Variants in PCBP3 observed in about 807,000 individuals in gnomAD.
PCBP3 encodes poly(rC)-binding protein 3.
PCBP3 carries 25 observed loss-of-function variants against 52.7 expected under a neutral mutation model. That is an observed-to-expected ratio of 0.47 (90% CI 0.35 to 0.66). The LOEUF (loss-of-function observed/expected upper bound fraction) is 0.66. PCBP3 is among the 30% of genes least tolerant of loss of function. PCBP3 has a pLI of 0.01. For synonymous variants in PCBP3, 162 were observed against 183.0 expected, an observed-to-expected ratio of 0.89 and a Z score of 0.93; for missense variants, 391 against 490.3, an observed-to-expected ratio of 0.80 and a Z score of 1.91.
intron 1 of PCBP3, among the ~76,000 whole-genome samples, chr21:45,668,560 C>T (rs1283501309): frequency 7.0e-6 from 1 of 143,316 alleles, no homozygotes; most frequent in Non-Finnish European, 1.5e-5. Flanking sequence ...TACTATAGAG[C>T]TGGGGTAGGG....
intron 4 of PCBP3, among the ~76,000 whole-genome samples, chr21:45,793,009 A>G (rs1178313685): frequency 6.6e-6 from 1 of 152,346 alleles, no homozygotes; most frequent in East Asian, 1.9e-4. Context: ...CAAAGTAGAC[A>G]GGAACAGTAT....
chr21:45,710,102 T>C (rs2083729490), intron 2 of PCBP3, among the ~76,000 whole-genome samples: 1 of 152,238 alleles, frequency 6.6e-6, no homozygotes. Flanking sequence ...ATCACCTGGC[T>C]GAGGTGTGTT....
intron 4 of PCBP3, among the ~76,000 whole-genome samples, chr21:45,840,998 G>A (rs1397737696): frequency 6.6e-6 from 1 of 152,166 alleles, no homozygotes; most frequent in Non-Finnish European, 1.5e-5. Context: ...ATAGAACTGT[G>A]TCACAGTTGC....
chr21:45,815,460 T>G (rs1603442094), intron 4 of PCBP3, among the ~76,000 whole-genome samples: 3 of 90,324 alleles, frequency 3.3e-5, no homozygotes, highest in Non-Finnish European at 6.6e-5. Context: ...TGGTGAGTGG[T>G]GAGTGAGTGA....
At chr21:45,792,244 T>G (rs1263061006) in intron 4 of PCBP3, among the ~76,000 whole-genome samples, 1 of 152,268 alleles carries the variant, frequency 6.6e-6, no homozygotes, top group Non-Finnish European at 1.5e-5. Context: ...TCTGTGCAGG[T>G]GGCAGCAACC....
intron 4 of PCBP3, among the ~76,000 whole-genome samples, chr21:45,794,828 C>T (rs1384809331): frequency 6.6e-6 from 1 of 151,748 alleles, no homozygotes; most frequent in Non-Finnish European, 1.5e-5. Flanking sequence ...ACTTGGGAGG[C>T]TGAGGCAGGA....
intron 2 of PCBP3, among the ~76,000 whole-genome samples, chr21:45,680,015 T>G (rs2081736212): frequency 6.6e-6 from 1 of 152,238 alleles, no homozygotes; most frequent in Admixed American, 6.5e-5. Flanking sequence ...TTCTCCAAAA[T>G]CATTTGGGCA....
intron 5 of PCBP3, among the ~76,000 whole-genome samples, chr21:45,862,186 C>CGG (rs975054478): frequency 1.5e-5 from 1 of 67,120 alleles, no homozygotes; most frequent in East Asian, 6.9e-4. Context: ...GGAATTGGGG[C>CGG]GGGTGGGGGG....
At chr21:45,930,898 C>A in intron 15 of PCBP3, 53 bp downstream of exon 15, 2 of 1,607,238 alleles carry the variant, frequency 1.2e-6, no homozygotes, top group Non-Finnish European at 1.7e-6. Context: ...AGAGCAGAGC[C>A]CCAGTGGGAG....
Position 45,899,479 on chromosome 21 carries a change from G to A in PCBP3, c.166-120G>A, listed in dbSNP as rs117077002. The A allele has an allele frequency of 2.4e-3, 1,713 of 717,258 alleles. 18 individuals carry two copies. The East Asian group carries it at 0.032, about 13-fold the overall frequency. 44.4% of individuals were successfully genotyped at this position (717,258 alleles called of 1,614,324 possible). A position where few individuals can be genotyped will look rare whatever the true frequency, so the allele number is the denominator to read the frequency against. On this transcript the variant is annotated intron_variant, in intron 6 of 17. Coordinates refer to ENST00000681687, the MANE Select transcript of PCBP3 (RefSeq NM_001384156.1). ...GAATTCTCCCTTCTTCATGCACACCGGGAAGGTCCCTTCTGCACTCATACC... is the reference window on the plus strand; with the variant it reads ...GAATTCTCCCTTCTTCATGCACACCAGGAAGGTCCCTTCTGCACTCATACC...
chr21:45,763,804 A>C (rs956444080), intron 4 of PCBP3: 3 of 152,440 alleles, frequency 2.0e-5, no homozygotes, highest in African/African-American at 4.8e-5. Context: ...ATTCTCAGGC[A>C]GGCCCCCTTC....
In PCBP3 at chr21:45,902,251, A is replaced by ACGCTG. The variant is rs1569475451; in HGVS notation, c.339+1139_339+1140insGCTGC. Among the ~76,000 whole-genome samples, 506 of 150,594 alleles carry ACGCTG rather than the reference A, an allele frequency of 3.4e-3. 11 individuals carry two copies. Among genetic ancestry groups the ACGCTG allele is most frequent in the African/African-American group, 0.012 (475 of 40,542 alleles). Reference sequence around the variant, plus strand: ...CCTGTGGCCTGGCCTCCAAGGCTGGACACTGCAGACACTGGGGCCAGTGTT... The same window carrying ACGCTG: ...CCTGTGGCCTGGCCTCCAAGGCTGGACGCTGCACTGCAGACACTGGGGCCAGTGTT... On this transcript the variant is annotated intron_variant, in intron 9 of 17. Transcript: ENST00000681687.
At chr21:45,728,115 G>A (rs1199256054) in intron 2 of PCBP3, among the ~76,000 whole-genome samples, 2 of 152,160 alleles carry the variant, frequency 1.3e-5, no homozygotes, top group African/African-American at 4.8e-5. Context: ...CACTTGTGGA[G>A]GTTGGTATCT....
At chr21:45,722,969 G>A (rs546717620) in intron 2 of PCBP3, among the ~76,000 whole-genome samples, 10 of 150,962 alleles carry the variant, frequency 6.6e-5, no homozygotes, top group South Asian at 6.3e-4. Context: ...AGCTGATAGC[G>A]CACCACTGCA....
At chr21:45,747,067 T>C (rs1476769017) in intron 3 of PCBP3, among the ~76,000 whole-genome samples, 1 of 152,172 alleles carries the variant, frequency 6.6e-6, no homozygotes. Flanking sequence ...CTGGGTAATT[T>C]ATAAAGAAAA....
chr21:45,904,109 G>A lies in PCBP3; in HGVS notation c.339+2996G>A, dbSNP rs1019444077. On this transcript the variant is annotated intron_variant, in intron 9 of 17. Coordinates refer to ENST00000681687, the MANE Select transcript of PCBP3 (RefSeq NM_001384156.1). This position sits in a 1 kb window ranked among gnomAD's most constrained non-coding sequence, Gnocchi z 4.8. Reference sequence around the variant, plus strand: ...GATGTTTGGGAAGATGTCATGGGAAGCAGCCGTAACCTACGCTATTACGTA... The same window carrying A: ...GATGTTTGGGAAGATGTCATGGGAAACAGCCGTAACCTACGCTATTACGTA... 4.6e-5 allele frequency among the ~76,000 whole-genome samples: 7 copies of A among 152,324 alleles called. No individual in the cohort carries two copies. Among genetic ancestry groups the A allele is most frequent in the South Asian group, 4.1e-4 (2 of 4,824 alleles).
At chr21:45,862,186 C>CGGGG (rs975054478) in intron 5 of PCBP3, among the ~76,000 whole-genome samples, 1 of 67,118 alleles carries the variant, frequency 1.5e-5, no homozygotes, top group Non-Finnish European at 2.9e-5. Context: ...GGAATTGGGG[C>CGGGG]GGGTGGGGGG....
In PCBP3 at chr21:45,669,931, G is replaced by T. The variant is rs192067394; in HGVS notation, c.-200+979G>T. Among the ~76,000 whole-genome samples the T allele has an allele frequency of 1.5e-4, 22 of 149,770 alleles. No individual in the cohort carries two copies. The East Asian group carries it at 4.1e-3, about 28-fold the overall frequency. On this transcript the variant is annotated intron_variant, in intron 2 of 17. Transcript: ENST00000681687. ...GTGAATAATGCTGCCATGAACTTGG[G>T]TATACAAATATTTGAGTCCCTTGCT... is the stretch of plus-strand genomic sequence containing the variant.
Position 45,827,189 on chromosome 21 carries a change from G to C in PCBP3, c.-125-22772G>C, listed in dbSNP as rs2093330624. On this transcript the variant is annotated intron_variant, in intron 4 of 17. Transcript: ENST00000681687. This position sits in a 1 kb window ranked among gnomAD's most constrained non-coding sequence, Gnocchi z 4.3. ...TTGGGCATCAGCTGAGGGACAAGGA[G>C]CCCTTCCCATCTGGGCATCAGCTGA... Among the ~76,000 whole-genome samples, 1 of 152,192 alleles carries C rather than the reference G, an allele frequency of 6.6e-6. No homozygotes were observed.
Sources: allele counts gnomAD v4.1 joint callset (sites outside exome capture counted in the v4.1 genomes callset), GRCh38; gene constraint gnomAD v4.1.1; non-coding constraint Gnocchi (gnomAD v3.1); transcripts MANE v1.5; gene names NCBI Gene and HGNC (gene_info 2026-07-23, HGNC 2026-07-21).